Variants in MAP2K3 observed in about 807,000 individuals in gnomAD.
The protein encoded by MAP2K3 is dual specificity mitogen-activated protein kinase kinase 3.
MAP2K3 carries 30 observed loss-of-function variants against 46.4 expected under a neutral mutation model. The ratio of observed to expected loss-of-function variants is 0.65; its 90% CI spans 0.48 to 0.88. The LOEUF (loss-of-function observed/expected upper bound fraction) is 0.88. Ranked by LOEUF, MAP2K3 falls within the 40% of genes least tolerant of loss-of-function variation. The pLI, the probability that MAP2K3 is intolerant of heterozygous loss-of-function variation, is 0.00. For missense variants in MAP2K3, 380 were observed against 464.5 expected (o/e 0.82, Z 1.67); for synonymous variants, 189 against 176.3 (o/e 1.07, Z -0.57).
chr17:21,303,189 C>CG lies in MAP2K3; in HGVS notation c.526dup (p.Ala176GlyfsTer33). On this transcript the variant is annotated frameshift_variant, in exon 7 of 12. Coordinates refer to ENST00000342679, the MANE Select transcript of MAP2K3 (RefSeq NM_145109.3). LOFTEE classifies it high-confidence loss of function. ...CTCCCCACCCCACCGCCAGATCGTG[C>CG]GGGCCCTGGAGCATCTGCACAGCAA... 1 of 1,614,210 alleles carries CG rather than the reference C, an allele frequency of 6.2e-7. No homozygotes were observed. Among genetic ancestry groups the CG allele is most frequent in the Non-Finnish European group, 8.5e-7 (1 of 1,180,040 alleles).
intron 1 of MAP2K3, chr17:21,295,590 C>A: frequency 1.6e-6 from 2 of 1,277,068 alleles, no homozygotes; most frequent in South Asian, 1.3e-5. Flanking sequence ...GTCTCCATGA[C>A]GGCCTCACCC....
chr17:21,300,045 C>A, intron 3 of MAP2K3, among the ~76,000 whole-genome samples: 1 of 152,428 alleles, frequency 6.6e-6, no homozygotes, highest in African/African-American at 2.4e-5. Flanking sequence ...CTGTCGCACT[C>A]CCTGACACTC....
At chr17:21,312,417 A>G (rs994041599) in intron 10 of MAP2K3, 136 bp downstream of exon 10, 4 of 861,060 alleles carry the variant, frequency 4.6e-6, no homozygotes, top group Non-Finnish European at 6.6e-6. Context: ...GTAAGGCAGA[A>G]ACAGCTGGAG....
At chr17:21,305,420 C>T (rs1262421547) in intron 9 of MAP2K3, among the ~76,000 whole-genome samples, 9 of 152,250 alleles carry the variant, frequency 5.9e-5, no homozygotes, top group African/African-American at 9.6e-5. Flanking sequence ...TCCCAAATTA[C>T]GTAAGTTCCT....
intron 1 of MAP2K3, 113 bp from the exon 2 acceptor site, chr17:21,298,300 G>C (rs1444790587): frequency 6.8e-7 from 1 of 1,469,366 alleles, no homozygotes; most frequent in East Asian, 2.3e-5. Context: ...CTCCCGGCAT[G>C]GGTGATGGCA....
At chr17:21,307,598 G>T (rs1256713872) in intron 9 of MAP2K3, among the ~76,000 whole-genome samples, 2 of 151,798 alleles carry the variant, frequency 1.3e-5, no homozygotes, top group African/African-American at 4.9e-5. Context: ...TGGGTAGAGA[G>T]TTGACGCAGG....
chr17:21,285,064 T>G (rs1007978970), intron 1 of MAP2K3, 95 bp downstream of exon 1: 30 of 1,480,888 alleles, frequency 2.0e-5, no homozygotes, highest in Non-Finnish European at 2.6e-5. Context: ...CCCCATCCTG[T>G]TCTCGACCTG....
rs374982158 is a variant in MAP2K3 at position 21,304,418 on chromosome 17, C to G, written c.569-8C>G. 6.2e-7 allele frequency: 1 copy of G among 1,614,300 alleles called. No individual in the cohort carries two copies. The highest frequency in any genetic ancestry group is 1.3e-5 in the African/African-American group (1 of 75,090). On this transcript the variant is annotated splice_polypyrimidine_tract_variant and splice_region_variant and intron_variant, in intron 7 of 11. Transcript: ENST00000342679. ...CAGACGTGGCTGAGGCATGTCCCTC[C>G]CTGGCAGATGTGAAGCCCTCCAATG...
intron 1 of MAP2K3, chr17:21,291,601 C>A (rs763644410): frequency 2.2e-6 from 1 of 456,352 alleles, no homozygotes; most frequent in African/African-American, 2.0e-5. Flanking sequence ...TTGTGGGTCC[C>A]CCTGCCCTGT....
chr17:21,294,715 GGGT>G (rs1976142755), intron 1 of MAP2K3, among the ~76,000 whole-genome samples: 1 of 152,310 alleles, frequency 6.6e-6, no homozygotes, highest in Non-Finnish European at 1.5e-5. Context: ...CTGGGGCTGA[GGGT>G]GGTGTTCTCT....
intron 1 of MAP2K3, among the ~76,000 whole-genome samples, chr17:21,294,450 G>T (rs540044077): frequency 1.3e-5 from 2 of 152,308 alleles, no homozygotes; most frequent in Non-Finnish European, 2.9e-5. Flanking sequence ...GCCCCTGTGG[G>T]TGACCCTTAG....
rs1976177910 is a variant in MAP2K3, at chr17:21,295,328, T to A, written c.50-3085T>A. 2.0e-5 allele frequency among the ~76,000 whole-genome samples: 3 copies of A among 152,430 alleles called. No homozygotes were observed. The South Asian group carries it at 6.2e-4, about 32-fold the overall frequency. The stretch of plus-strand genomic sequence containing the variant: ...TGTAGCCTCAGGTCAGTGGCTGAAT[T>A]CTGGTCAGTTTCAGTTTCCTTGCCC... On this transcript the variant is annotated intron_variant, in intron 1 of 11. Transcript: ENST00000342679.
intron 6 of MAP2K3, 144 bp from the exon 7 acceptor site, chr17:21,303,039 G>T: frequency 9.4e-7 from 1 of 1,061,498 alleles, no homozygotes; most frequent in Non-Finnish European, 1.4e-6. Context: ...GACAGGGCAG[G>T]AGGCTGGGAT....
chr17:21,301,109 GC>G, intron 5 of MAP2K3, 116 bp downstream of exon 5: 2 of 1,545,296 alleles, frequency 1.3e-6, no homozygotes, highest in Non-Finnish European at 1.8e-6. Flanking sequence ...TGGCATACTG[GC>G]AGGAGGCTCC....
At chr17:21,293,907 T>G (rs1961230692) in intron 1 of MAP2K3, among the ~76,000 whole-genome samples, 2 of 152,306 alleles carry the variant, frequency 1.3e-5, no homozygotes, top group Non-Finnish European at 2.9e-5. Flanking sequence ...CCCCAGAACC[T>G]CAGGGCAAGG....
chr17:21,300,453 C>G (rs1976528579), intron 3 of MAP2K3, 92 bp from the exon 4 acceptor site: 5 of 1,320,998 alleles, frequency 3.8e-6, no homozygotes, highest in Non-Finnish European at 5.3e-6. Context: ...ATCAGCTGGT[C>G]CTCTTCATGC....
intron 9 of MAP2K3, 31 bp from the exon 10 acceptor site, chr17:21,312,111 C>A (rs768263661): frequency 1.3e-6 from 2 of 1,495,156 alleles, no homozygotes; most frequent in Non-Finnish European, 1.8e-6. Context: ...TATCTGGGGC[C>A]GGGGCCTCTG....
chr17:21,297,928 C>T (rs1976352339), intron 1 of MAP2K3, among the ~76,000 whole-genome samples: 1 of 152,298 alleles, frequency 6.6e-6, no homozygotes, highest in African/African-American at 2.4e-5. Context: ...GCCTGCTCCA[C>T]CGCCTGTTGC....
rs1976194156 is a variant in MAP2K3, at chr17:21,295,591, G to A, written c.50-2822G>A. ...CCTGTTTCTAGGCTGTCTCCATGACGGCCTCACCCACTCCCTCTGACAGCT... is the reference window on the plus strand; with the variant it reads ...CCTGTTTCTAGGCTGTCTCCATGACAGCCTCACCCACTCCCTCTGACAGCT... On this transcript the variant is annotated intron_variant, in intron 1 of 11. Coordinates refer to ENST00000342679, the MANE Select transcript of MAP2K3 (RefSeq NM_145109.3). 4.7e-6 allele frequency: 6 copies of A among 1,278,140 alleles called. No homozygotes were observed. The Admixed American group carries it at 6.9e-5, about 15-fold the overall frequency. 79.2% of individuals were successfully genotyped at this position (1,278,140 alleles called of 1,614,324 possible).
Sources: allele counts gnomAD v4.1 joint callset (sites outside exome capture counted in the v4.1 genomes callset), GRCh38; gene constraint gnomAD v4.1.1; transcripts MANE v1.5; gene names NCBI Gene and HGNC (gene_info 2026-07-23, HGNC 2026-07-21).